Variants in FKBP11 observed in about 807,000 individuals in gnomAD.
FKBP11 encodes FKBP prolyl isomerase 11.
In FKBP11, 21 loss-of-function variants were observed where a neutral mutation model predicts 24.7. That is an observed-to-expected ratio of 0.85 (90% CI 0.60 to 1.23). FKBP11 has a LOEUF of 1.23. Among genes scored for constraint, FKBP11 ranks in the 50% most tolerant of loss-of-function variants. FKBP11 has a pLI of 0.00. For synonymous variants in FKBP11, 106 were observed against 100.6 expected (o/e 1.05, Z -0.32); for missense variants, 245 against 248.7 (o/e 0.99, Z 0.10).
At chr12:48,933,970 C>T in the FKBP11 span, among the ~76,000 whole-genome samples, 10 of 152,146 alleles carry the variant, frequency 6.6e-5, no homozygotes, top group Non-Finnish European at 1.5e-4. Context: ...CACTACCCAA[C>T]GTGGTATACT....
the FKBP11 span, among the ~76,000 whole-genome samples, chr12:48,935,569 G>A: frequency 1.3e-5 from 2 of 152,278 alleles, no homozygotes; most frequent in East Asian, 3.9e-4. Flanking sequence ...TGCGATGGGA[G>A]GATGGAGGCT....
At chr12:48,924,398 C>G in intron 3 of FKBP11, 142 bp from the exon 4 acceptor site, 1 of 1,197,762 alleles carries the variant, frequency 8.3e-7, no homozygotes, top group Non-Finnish European at 1.2e-6. Flanking sequence ...GGATATGGGA[C>G]AAGTGGAGTA....
chr12:48,923,045 G>C (rs914772996), intron 5 of FKBP11: 1 of 760,158 alleles, frequency 1.3e-6, no homozygotes, highest in African/African-American at 1.9e-5. Flanking sequence ...CTACTCGGGA[G>C]GCTGAGACAG....
chr12:48,923,613 G>A, intron 5 of FKBP11, 169 bp downstream of exon 5: 1 of 1,554,658 alleles, frequency 6.4e-7, no homozygotes, highest in Middle Eastern at 1.7e-4. Context: ...CCCTGTTGGT[G>A]ATATGAGGAG....
chr12:48,924,936 C>T, intron 2 of FKBP11, 110 bp downstream of exon 2: 1 of 1,452,054 alleles, frequency 6.9e-7, no homozygotes, highest in Non-Finnish European at 9.1e-7. Flanking sequence ...ACCCCAGAGC[C>T]CCGAGTTTCT....
intron 3 of FKBP11, 37 bp downstream of exon 3, chr12:48,924,524 T>C (rs376899080): frequency 2.5e-5 from 39 of 1,577,344 alleles, no homozygotes; most frequent in Middle Eastern, 1.7e-4. Context: ...AGGGCTTAGG[T>C]TGGGAAGAGG....
At chr12:48,925,593 C>T (rs1412580320), upstream of FKBP11, 5 of 911,470 alleles carry the variant, frequency 5.5e-6, no homozygotes, top group Non-Finnish European at 8.1e-6. Flanking sequence ...TCCCCACCTC[C>T]GAAAGGGAGG....
At chr12:48,933,279 G>C in the FKBP11 span, among the ~76,000 whole-genome samples, 1 of 152,196 alleles carries the variant, frequency 6.6e-6, no homozygotes, top group African/African-American at 2.4e-5. Context: ...AAAACTTGAA[G>C]AGGAAGGCGG....
chr12:48,927,046 G>C (rs1450857558), upstream of FKBP11, among the ~76,000 whole-genome samples: 1 of 152,184 alleles, frequency 6.6e-6, no homozygotes, highest in Non-Finnish European at 1.5e-5. Flanking sequence ...CTGACCTCGT[G>C]ATCCGCCAGC....
At chr12:48,934,716 T>C in the FKBP11 span, among the ~76,000 whole-genome samples, 10 of 152,130 alleles carry the variant, frequency 6.6e-5, no homozygotes, top group African/African-American at 2.4e-4. Context: ...TTTGCTAATA[T>C]AGAAATAAAA....
intron 5 of FKBP11, chr12:48,922,801 T>C: frequency 1.0e-6 from 1 of 1,004,966 alleles, no homozygotes; most frequent in Non-Finnish European, 1.2e-6. Flanking sequence ...AAGTTTCTCC[T>C]TGGTCCCCCT....
the FKBP11 span, among the ~76,000 whole-genome samples, chr12:48,934,411 A>T: frequency 6.6e-6 from 1 of 152,246 alleles, no homozygotes; most frequent in Non-Finnish European, 1.5e-5. Context: ...CATGTTCTGG[A>T]AGATGGGATT....
At chr12:48,933,422 C>T in the FKBP11 span, among the ~76,000 whole-genome samples, 2 of 152,288 alleles carry the variant, frequency 1.3e-5, no homozygotes, top group Admixed American at 6.5e-5. Flanking sequence ...AGCTTTTCTG[C>T]CAGGCACGGT....
At chr12:48,922,290 A>G in intron 5 of FKBP11, 89 bp from the exon 6 acceptor site, 4 of 1,201,844 alleles carry the variant, frequency 3.3e-6, no homozygotes, top group Non-Finnish European at 3.5e-6. Flanking sequence ...CGTAGGCCAC[A>G]GCAAAGCCAA....
the FKBP11 span, chr12:48,931,516 G>A: frequency 6.6e-7 from 1 of 1,512,032 alleles, no homozygotes; most frequent in Non-Finnish European, 8.9e-7. Context: ...GATGATTCTT[G>A]GAAAGATAGG....
chr12:48,926,907 T>C (rs1167439918), upstream of FKBP11, among the ~76,000 whole-genome samples: 4 of 152,150 alleles, frequency 2.6e-5, no homozygotes, highest in Non-Finnish European at 5.9e-5. Context: ...CCTCCCGGGT[T>C]CAAGCGATTC....
the FKBP11 span, among the ~76,000 whole-genome samples, chr12:48,934,775 A>G: frequency 6.6e-6 from 1 of 152,102 alleles, no homozygotes; most frequent in African/African-American, 2.4e-5. Flanking sequence ...GCACTTTGGG[A>G]GGCTGAGGTG....
intron 5 of FKBP11, 197 bp from the exon 6 acceptor site, chr12:48,922,398 C>A: frequency 1.5e-6 from 1 of 681,004 alleles, no homozygotes; most frequent in Non-Finnish European, 2.2e-6. Flanking sequence ...ATCATGTTGA[C>A]CCCAACTACA....
At position 48,925,027 on chromosome 12, in the gene FKBP11, G is replaced by A. The variant is rs781642705; in HGVS notation, c.195+19C>T. 2 of 789,038 alleles carry A rather than the reference G, an allele frequency of 2.5e-6. No homozygotes were observed. The highest frequency in any genetic ancestry group is 1.9e-5 in the African/African-American group (1 of 51,912). The allele number at this position is 789,038 out of a possible 1,614,324, so 48.9% of individuals were successfully genotyped here. On this transcript the variant is annotated intron_variant, in intron 2 of 5. Coordinates refer to ENST00000550765, the MANE Select transcript of FKBP11 (RefSeq NM_016594.3). Reference sequence around the variant, plus strand: ...GCCGCCCCCTCCCAGGCCCCGCCCCGGCCCCCCAGACCCCTCACCGTGTAG... The same window carrying A: ...GCCGCCCCCTCCCAGGCCCCGCCCCAGCCCCCCAGACCCCTCACCGTGTAG...
Sources: allele counts gnomAD v4.1 joint callset (sites outside exome capture counted in the v4.1 genomes callset), GRCh38; gene constraint gnomAD v4.1.1; transcripts MANE v1.5; gene names NCBI Gene and HGNC (gene_info 2026-07-23, HGNC 2026-07-21).